Variants in CACNA2D3 observed in about 807,000 individuals in gnomAD.
CACNA2D3 encodes calcium voltage-gated channel auxiliary subunit alpha2delta 3, also known as voltage-dependent calcium channel subunit alpha-2/delta-3.
A neutral mutation model predicts 160.6 loss-of-function variants in CACNA2D3; 60 were observed. The ratio of observed to expected loss-of-function variants is 0.37; its 90% confidence interval spans 0.30 to 0.46. The LOEUF (loss-of-function observed/expected upper bound fraction) is 0.46, where lower values mean the gene tolerates loss of function less well. Among genes scored for constraint, CACNA2D3 ranks in the 20% least tolerant of loss-of-function variants. The pLI is 1.00. For synonymous variants in CACNA2D3, 558 were observed against 492.9 expected (o/e 1.13, Z -1.75); for missense variants, 1,205 against 1,365.0 (o/e 0.88, Z 1.85).
intron 17 of CACNA2D3, among the ~76,000 whole-genome samples, chr3:54,865,809 A>T (rs547742603): frequency 1.2e-4 from 19 of 152,340 alleles, no homozygotes; most frequent in African/African-American, 4.6e-4. Context: ...GGCCATATTT[A>T]TTAAGACACA....
At chr3:54,777,667 T>G (rs1702449034) in intron 13 of CACNA2D3, among the ~76,000 whole-genome samples, 1 of 152,232 alleles carries the variant, frequency 6.6e-6, no homozygotes. Context: ...GAAGCAAGGC[T>G]GGAGTACTCA....
intron 13 of CACNA2D3, among the ~76,000 whole-genome samples, chr3:54,772,624 GACTT>G (rs1702340792): frequency 6.6e-6 from 1 of 151,976 alleles, no homozygotes; most frequent in African/African-American, 2.4e-5. Context: ...CCAAATAAAT[GACTT>G]AATGTTAACA....
intron 2 of CACNA2D3, among the ~76,000 whole-genome samples, chr3:54,124,646 T>C (rs1699550558): frequency 6.6e-6 from 1 of 152,354 alleles, no homozygotes; most frequent in Admixed American, 6.5e-5. Flanking sequence ...AGTAGCATTT[T>C]TGGGGACAGT....
At chr3:55,072,045 GTC>G (rs1704821783) in intron 35 of CACNA2D3, among the ~76,000 whole-genome samples, 1 of 152,206 alleles carries the variant, frequency 6.6e-6, no homozygotes, top group Non-Finnish European at 1.5e-5. Flanking sequence ...GCAAGAAAGA[GTC>G]TAGTGTTAAA....
Position 54,311,562 on chromosome 3 carries a change from C to T in CACNA2D3, c.205-8880C>T, listed in dbSNP as rs113956563. ...TGTCCCTGGCCAGAGCACCCTTGCA[C>T]ATCTGGCAGGAGTAACATACCTCTA... On this transcript the variant is annotated intron_variant, in intron 2 of 37. Coordinates refer to ENST00000474759, the MANE Select transcript of CACNA2D3 (RefSeq NM_018398.3). 4.4e-3 allele frequency among the ~76,000 whole-genome samples: 677 copies of T among 152,310 alleles called. 6 individuals carry two copies. Among genetic ancestry groups the T allele is most frequent in the African/African-American group, 0.015 (638 of 41,546 alleles).
intron 11 of CACNA2D3, among the ~76,000 whole-genome samples, chr3:54,686,045 G>T (rs531533928): frequency 6.6e-6 from 1 of 152,310 alleles, no homozygotes; most frequent in East Asian, 1.9e-4. Flanking sequence ...AGTTTGAATT[G>T]TCTCGATTCT....
intron 16 of CACNA2D3, among the ~76,000 whole-genome samples, chr3:54,839,712 G>A (rs1057227195): frequency 2.6e-5 from 4 of 152,152 alleles, no homozygotes; most frequent in African/African-American, 7.2e-5. Flanking sequence ...ATTCACCACA[G>A]CTGTGAGGGG....
At chr3:54,709,647 A>G (rs1700919857) in intron 11 of CACNA2D3, among the ~76,000 whole-genome samples, 1 of 152,154 alleles carries the variant, frequency 6.6e-6, no homozygotes, top group South Asian at 2.1e-4. Context: ...ATCACTTGCC[A>G]GGCATGGTGG....
chr3:54,763,282 C>G (rs925086484), intron 12 of CACNA2D3, among the ~76,000 whole-genome samples: 1 of 151,904 alleles, frequency 6.6e-6, no homozygotes, highest in Non-Finnish European at 1.5e-5. Flanking sequence ...TACTTGATGC[C>G]TGAGAGAACA....
intron 4 of CACNA2D3, among the ~76,000 whole-genome samples, chr3:54,419,929 C>A (rs1699812014): frequency 6.6e-6 from 1 of 151,930 alleles, no homozygotes; most frequent in South Asian, 2.1e-4. Flanking sequence ...CCATGCCTGG[C>A]TAATTTTTGT....
At chr3:54,695,631 CATG>C (rs930387920) in intron 11 of CACNA2D3, among the ~76,000 whole-genome samples, 4 of 152,170 alleles carry the variant, frequency 2.6e-5, no homozygotes, top group African/African-American at 4.8e-5. Context: ...CCTTAGCCAA[CATG>C]ATAACAGAAT....
At chr3:54,679,751 G>A (rs1461903150) in intron 11 of CACNA2D3, among the ~76,000 whole-genome samples, 3 of 152,268 alleles carry the variant, frequency 2.0e-5, no homozygotes, top group Non-Finnish European at 4.4e-5. Context: ...GACTTGATCA[G>A]TGTTGAGTAG....
intron 11 of CACNA2D3, among the ~76,000 whole-genome samples, chr3:54,663,706 C>T (rs1379751225): frequency 6.6e-6 from 1 of 152,246 alleles, no homozygotes; most frequent in Non-Finnish European, 1.5e-5. Context: ...CCAGCTGACA[C>T]ATCTGTGAGA....
At chr3:54,448,251 C>T (rs570922902) in intron 4 of CACNA2D3, among the ~76,000 whole-genome samples, 1 of 152,302 alleles carries the variant, frequency 6.6e-6, no homozygotes, top group African/African-American at 2.4e-5. Context: ...AGGCTCATTG[C>T]CTCTGAATGG....
chr3:54,807,539 T>A (rs1200524505), intron 13 of CACNA2D3, among the ~76,000 whole-genome samples: 251 of 152,018 alleles, frequency 1.7e-3, no homozygotes, highest in African/African-American at 5.5e-3. Context: ...GGCAATCATT[T>A]AAAAGTCAGG....
At chr3:54,200,077 AG>A in intron 2 of CACNA2D3, among the ~76,000 whole-genome samples, 1 of 152,304 alleles carries the variant, frequency 6.6e-6, no homozygotes, top group Admixed American at 6.5e-5. Context: ...TTATAGGAAA[AG>A]GTTTACCTGT....
intron 4 of CACNA2D3, among the ~76,000 whole-genome samples, chr3:54,482,687 G>A (rs548853876): frequency 6.6e-6 from 1 of 152,146 alleles, no homozygotes; most frequent in Non-Finnish European, 1.5e-5. Flanking sequence ...ACACATTGAA[G>A]TTTATTTCTT....
At chr3:54,464,299 C>A (rs1441594547) in intron 4 of CACNA2D3, among the ~76,000 whole-genome samples, 4 of 152,142 alleles carry the variant, frequency 2.6e-5, no homozygotes, top group Non-Finnish European at 4.4e-5. Context: ...CTGCTCTCTT[C>A]AAAGCTGTCA....
chr3:54,522,770 A>G (rs1283379577), intron 5 of CACNA2D3, among the ~76,000 whole-genome samples: 1 of 152,114 alleles, frequency 6.6e-6, no homozygotes, highest in African/African-American at 2.4e-5. Context: ...CTATTTTGAT[A>G]ATGGCCTTAA....
Sources: allele counts gnomAD v4.1 joint callset (sites outside exome capture counted in the v4.1 genomes callset), GRCh38; gene constraint gnomAD v4.1.1; transcripts MANE v1.5; gene names NCBI Gene and HGNC (gene_info 2026-07-23, HGNC 2026-07-21).